RAP1A: variants seen among roughly 807,000 people sequenced by gnomAD.
RAP1A encodes ras-related protein Rap-1A.
Under a neutral mutation model 26.4 loss-of-function variants are expected in RAP1A, and 6 were observed. The observed-to-expected ratio is 0.23, with a 90% CI of 0.12 to 0.45. RAP1A has a LOEUF of 0.45. RAP1A is among the 20% of genes least tolerant of loss of function. RAP1A has a pLI of 0.99. For missense variants in RAP1A, 121 were observed against 217.2 expected, an observed-to-expected ratio of 0.56 and a Z score of 2.78; for synonymous variants, 73 against 79.4, an observed-to-expected ratio of 0.92 and a Z score of 0.43.
At chr1:111,651,473 ATTTTTT>A (rs5777070) in intron 1 of RAP1A, among the ~76,000 whole-genome samples, 2 of 123,814 alleles carry the variant, frequency 1.6e-5, no homozygotes, top group South Asian at 5.2e-4. Flanking sequence ...TATATATATA[ATTTTTT>A]TTTTTTTTTT....
At chr1:111,543,669 G>A (rs1014193689) in intron 1 of RAP1A, among the ~76,000 whole-genome samples, 4 of 151,292 alleles carry the variant, frequency 2.6e-5, no homozygotes, top group African/African-American at 9.7e-5. Context: ...GGAAGAAGAG[G>A]AGGAAAAAGG....
At chr1:111,674,337 G>T (rs1433039774) in intron 1 of RAP1A, among the ~76,000 whole-genome samples, 1 of 149,844 alleles carries the variant, frequency 6.7e-6, no homozygotes, top group Admixed American at 6.7e-5. Context: ...GGTATAAGAT[G>T]CCTAGTGTCC....
chr1:111,607,815 G>T (rs1271138005), intron 1 of RAP1A, among the ~76,000 whole-genome samples: 4 of 132,210 alleles, frequency 3.0e-5, no homozygotes, highest in Non-Finnish European at 1.6e-5. Flanking sequence ...GCCGGGCGGG[G>T]GGCTGACCCC....
At chr1:111,627,045 T>G (rs1052116760) in intron 1 of RAP1A, among the ~76,000 whole-genome samples, 3 of 152,210 alleles carry the variant, frequency 2.0e-5, no homozygotes, top group Admixed American at 6.5e-5. Flanking sequence ...CCAAGTAATA[T>G]GCCCTTGTTA....
chr1:111,611,455 T>A (rs187678582), intron 1 of RAP1A, among the ~76,000 whole-genome samples: 148 of 152,336 alleles, frequency 9.7e-4, no homozygotes, highest in African/African-American at 3.5e-3. Flanking sequence ...CACTTCAGAT[T>A]TTTTTAAAGT....
intron 1 of RAP1A, among the ~76,000 whole-genome samples, chr1:111,552,067 G>C (rs1327298914): frequency 1.3e-5 from 2 of 152,208 alleles, no homozygotes; most frequent in East Asian, 3.8e-4. Context: ...TGCCCCAACT[G>C]TTATCCATTG....
At chr1:111,545,979 A>G (rs1657020719) in intron 1 of RAP1A, among the ~76,000 whole-genome samples, 1 of 152,178 alleles carries the variant, frequency 6.6e-6, no homozygotes, top group African/African-American at 2.4e-5. Context: ...GTTAGTCTAT[A>G]TGTCTAGCCT....
intron 1 of RAP1A, among the ~76,000 whole-genome samples, chr1:111,642,811 A>C (rs1398065475): frequency 7.0e-6 from 1 of 143,290 alleles, no homozygotes; most frequent in Non-Finnish European, 1.5e-5. Context: ...TTTGAGGCAA[A>C]GTCTCGCTGT....
intron 1 of RAP1A, among the ~76,000 whole-genome samples, chr1:111,650,093 C>CTTTTTTTTTTTTTTTTTTTT (rs57681662): frequency 2.6e-5 from 2 of 75,850 alleles, no homozygotes; most frequent in African/African-American, 5.1e-5. Context: ...TGGTAGAGTG[C>CTTTTTTTTTTTTTTTTTTTT]TTTTTTTTTT....
intron 1 of RAP1A, among the ~76,000 whole-genome samples, chr1:111,646,782 G>A (rs912637231): frequency 6.6e-5 from 10 of 152,250 alleles, no homozygotes; most frequent in East Asian, 3.9e-4. Flanking sequence ...CTTGTGATCC[G>A]CCCGCCTCGG....
chr1:111,605,046 C>A (rs1658743473), intron 1 of RAP1A, among the ~76,000 whole-genome samples: 1 of 152,178 alleles, frequency 6.6e-6, no homozygotes, highest in Admixed American at 6.5e-5. Flanking sequence ...GACTACAGGA[C>A]TGAAGTGGTT....
chr1:111,552,403 G>A (rs2786974), intron 1 of RAP1A, among the ~76,000 whole-genome samples: 63,028 of 152,038 alleles, frequency 0.41, 14,496 homozygotes, highest in Admixed American at 0.56. Flanking sequence ...TCCTGAATAC[G>A]TGTTCCCTGA....
At chr1:111,677,723 C>T (rs1661171472) in intron 1 of RAP1A, among the ~76,000 whole-genome samples, 1 of 152,164 alleles carries the variant, frequency 6.6e-6, no homozygotes, top group South Asian at 2.1e-4. Flanking sequence ...GAGACCACAC[C>T]ACAACCTGCG....
chr1:111,618,470 G>C (rs1659062415), upstream of RAP1A, among the ~76,000 whole-genome samples: 1 of 152,162 alleles, frequency 6.6e-6, no homozygotes. Flanking sequence ...AAGTGTTGGA[G>C]TGCCTCTTGG....
At chr1:111,584,519 T>C (rs1467598858) in intron 1 of RAP1A, among the ~76,000 whole-genome samples, 2 of 152,068 alleles carry the variant, frequency 1.3e-5, no homozygotes, top group African/African-American at 4.8e-5. Flanking sequence ...ACTAATCCTA[T>C]TCATTCAGGT....
At position 111,551,835 on chromosome 1, in the gene RAP1A, C is replaced by T. The variant is rs145654815; in HGVS notation, c.-28+9326C>T. On this transcript the variant is annotated intron_variant, in intron 1 of 7. Coordinates refer to the RAP1A transcript ENST00000356415. ...TTGGGGCATGCCTTCAGCACTCAGCCGAGCGGTTTACAGTTCGGCCTTGGC... is the reference window on the plus strand; with the variant it reads ...TTGGGGCATGCCTTCAGCACTCAGCTGAGCGGTTTACAGTTCGGCCTTGGC... 2.6e-4 allele frequency among the ~76,000 whole-genome samples: 40 copies of T among 151,924 alleles called. No individual in the cohort carries two copies. In the East Asian group the frequency reaches 6.2e-3, roughly 23 times the overall value.
At chr1:111,602,298 G>C (rs1658687780) in intron 1 of RAP1A, 1 of 152,210 alleles carries the variant, frequency 6.6e-6, no homozygotes, top group African/African-American at 2.4e-5. Flanking sequence ...TTGGAGTCAG[G>C]AAGCTCTGGC....
intron 1 of RAP1A, among the ~76,000 whole-genome samples, chr1:111,553,641 G>T (rs1299029759): frequency 6.6e-6 from 1 of 152,116 alleles, no homozygotes; most frequent in African/African-American, 2.4e-5. Context: ...CTACTCAGCT[G>T]AATATCTATT....
chr1:111,548,257 G>A (rs959408740), intron 1 of RAP1A, among the ~76,000 whole-genome samples: 12 of 152,218 alleles, frequency 7.9e-5, no homozygotes, highest in African/African-American at 2.9e-4. Context: ...CTGGCCTCAA[G>A]CGACCCACCC....
Sources: allele counts gnomAD v4.1 joint callset (sites outside exome capture counted in the v4.1 genomes callset), GRCh38; gene constraint gnomAD v4.1.1; transcripts MANE v1.5; gene names NCBI Gene and HGNC (gene_info 2026-07-23, HGNC 2026-07-21).